FREM2: variants seen among roughly 807,000 people sequenced by gnomAD.
FREM2 encodes the protein FRAS1 related extracellular matrix 2, also known as FRAS1-related extracellular matrix protein 2.
A neutral mutation model predicts 219.9 loss-of-function variants in FREM2; 119 were observed. The observed-to-expected ratio is 0.54, with a 90% CI of 0.47 to 0.63. FREM2 has a LOEUF of 0.63. Among genes scored for constraint, FREM2 ranks in the 30% least tolerant of loss-of-function variants. The pLI, the probability that FREM2 is intolerant of heterozygous loss-of-function variation, is 0.00. For synonymous variants in FREM2, 1,562 were observed against 1,522.8 expected (o/e 1.03, Z -0.60); for missense variants, 4,030 against 3,993.6 (o/e 1.01, Z -0.25).
At chr13:38,820,714 C>G (rs578038476) in intron 6 of FREM2, among the ~76,000 whole-genome samples, 2 of 151,998 alleles carry the variant, frequency 1.3e-5, no homozygotes, top group Non-Finnish European at 2.9e-5. Flanking sequence ...AATCATAAAA[C>G]ATACAGAAAA....
chr13:38,816,736 C>G (rs550666249), intron 6 of FREM2, among the ~76,000 whole-genome samples: 201 of 152,120 alleles, frequency 1.3e-3, no homozygotes, highest in Non-Finnish European at 2.6e-3. Flanking sequence ...AGCAATTAGG[C>G]AAGAGAAAGA....
intron 11 of FREM2, among the ~76,000 whole-genome samples, chr13:38,853,126 A>T (rs1877433240): frequency 6.6e-6 from 1 of 151,794 alleles, no homozygotes; most frequent in Admixed American, 6.6e-5. Flanking sequence ...TCAGGAGTTC[A>T]AGACCAGCCT....
intron 16 of FREM2, among the ~76,000 whole-genome samples, 195 bp downstream of exon 16, chr13:38,864,801 C>T (rs1301976381): frequency 2.0e-5 from 3 of 150,016 alleles, no homozygotes; most frequent in African/African-American, 5.0e-5. Flanking sequence ...CCAGAATATA[C>T]GTAGTTTTTG....
In FREM2 at chr13:38,692,444, G is replaced by A; in HGVS notation, c.5100G>A (p.Val1700=). Residue 1700 remains valine (V), a synonymous_variant, in exon 1 of 24, where the codon GTG becomes GTA. Coordinates refer to ENST00000280481, the MANE Select transcript of FREM2 (RefSeq NM_207361.6). ...TACACATTTCTCTTAGATTTATCGTGACAGAGGCCCCTCAACATGGATATC... is the reference window on the plus strand; with the variant it reads ...TACACATTTCTCTTAGATTTATCGTAACAGAGGCCCCTCAACATGGATATC... ...DSLHISLRFI[V]TEAPQHGYLL... The A allele has an allele frequency of 6.2e-7, 1 of 1,613,904 alleles. No individual in the cohort carries two copies. Among genetic ancestry groups the A allele is most frequent in the East Asian group, 2.2e-5 (1 of 44,874 alleles).
In FREM2 at chr13:38,876,166, C is replaced by A; in HGVS notation, c.8409+17C>A. On this transcript the variant is annotated intron_variant, in intron 19 of 23. Coordinates refer to ENST00000280481, the MANE Select transcript of FREM2 (RefSeq NM_207361.6). ...GACTTTGCCGTAAGTGACTAAGACT[C>A]TTAATTAATTTTCTTCTGCTGCTGC... The A allele has an allele frequency of 6.2e-7, 1 of 1,614,070 alleles. No homozygotes were observed.
chr13:38,690,783 A>G lies in FREM2; in HGVS notation c.3439A>G (p.Asn1147Asp), dbSNP rs1370407205. The G allele has an allele frequency of 6.2e-7, 1 of 1,614,148 alleles. No homozygotes were observed. Among genetic ancestry groups the G allele is most frequent in the Non-Finnish European group, 8.5e-7 (1 of 1,180,024 alleles). Residue 1147 changes from asparagine to aspartate, a missense_variant, in exon 1 of 24, where the codon AAC becomes GAC. By Grantham distance (23) the Asn-to-Asp change is conservative. Transcript: ENST00000280481. ...GAAAGATCTCAGGCAGGGCCACATA[A>G]ACTATGTCCAGAGTGTCCATAAAGG... ...NLKDLRQGHINYVQSVHKGVE... is the reference protein window; with the variant it reads ...NLKDLRQGHIDYVQSVHKGVE...
intron 6 of FREM2, among the ~76,000 whole-genome samples, chr13:38,835,088 C>T (rs1456313435): frequency 6.6e-6 from 1 of 152,166 alleles, no homozygotes; most frequent in Non-Finnish European, 1.5e-5. Context: ...TTAGGTCTTA[C>T]ATTTAAATCT....
intron 6 of FREM2, among the ~76,000 whole-genome samples, chr13:38,816,896 A>G (rs1480757066): frequency 6.6e-6 from 1 of 152,168 alleles, no homozygotes; most frequent in African/African-American, 2.4e-5. Context: ...GTAAACATAC[A>G]AAAATCAGTA....
At chr13:38,724,546 A>G (rs1166429187) in intron 2 of FREM2, among the ~76,000 whole-genome samples, 1 of 152,250 alleles carries the variant, frequency 6.6e-6, no homozygotes, top group East Asian at 1.9e-4. Context: ...TATCTTGGTA[A>G]TAGTAGCATT....
chr13:38,878,375 C>G (rs9548520), intron 22 of FREM2, 54 bp downstream of exon 22: 7 of 1,309,356 alleles, frequency 5.3e-6, no homozygotes, highest in Non-Finnish European at 7.4e-6. Context: ...AGTTCAGCCT[C>G]CTTGTCTTAT....
rs991430899 is a variant in FREM2 at position 38,844,863 on chromosome 13, A to G, written c.6020-1710A>G. Among the ~76,000 whole-genome samples, 72 of 152,208 alleles carry G rather than the reference A, an allele frequency of 4.7e-4. 3 individuals are homozygous for G. On this transcript the variant is annotated intron_variant, in intron 6 of 23. Coordinates refer to ENST00000280481, the MANE Select transcript of FREM2 (RefSeq NM_207361.6). ...TGCCTGGTTTGGCCATCTGGTCAGA[A>G]GATACATTTTCAGAGCTCTCTGTCT... is the stretch of plus-strand genomic sequence containing the variant.
Position 38,880,871 on chromosome 13 carries a change from G to T in FREM2, c.*84G>T. 6.8e-7 allele frequency: 1 copy of T among 1,467,024 alleles called. No individual in the cohort carries two copies. Among genetic ancestry groups the T allele is most frequent in the Middle Eastern group, 1.7e-4 (1 of 5,836 alleles). 90.9% of individuals were successfully genotyped at this position (1,467,024 alleles called of 1,614,324 possible). The stretch of plus-strand genomic sequence containing the variant: ...CCTTAAATACTTCTGGTAAACCATA[G>T]AGAATGGAGGATGGCTGTGATGAAG... On this transcript the variant is annotated 3_prime_UTR_variant, in exon 24 of 24. Coordinates refer to ENST00000280481, the MANE Select transcript of FREM2 (RefSeq NM_207361.6).
At chr13:38,709,665 C>T (rs983358587) in intron 2 of FREM2, among the ~76,000 whole-genome samples, 13 of 151,976 alleles carry the variant, frequency 8.6e-5, no homozygotes, top group Non-Finnish European at 7.4e-5. Flanking sequence ...TCAAATCACA[C>T]GGATAATTTA....
At chr13:38,809,739 T>C (rs1875401568) in intron 6 of FREM2, among the ~76,000 whole-genome samples, 1 of 152,108 alleles carries the variant, frequency 6.6e-6, no homozygotes, top group African/African-American at 2.4e-5. Flanking sequence ...AGTCGTTCTG[T>C]AGTATAATTT....
intron 6 of FREM2, among the ~76,000 whole-genome samples, chr13:38,801,197 TA>T (rs1356640585): frequency 1.3e-5 from 2 of 152,234 alleles, no homozygotes; most frequent in Non-Finnish European, 2.9e-5. Flanking sequence ...TTTGGTTGTT[TA>T]AAAAATTATT....
chr13:38,843,113 C>T (rs1877021409), intron 6 of FREM2, among the ~76,000 whole-genome samples: 1 of 152,136 alleles, frequency 6.6e-6, no homozygotes, highest in Admixed American at 6.5e-5. Context: ...CTTATCTTTC[C>T]TCTGCATTCT....
intron 6 of FREM2, among the ~76,000 whole-genome samples, chr13:38,819,962 A>G (rs1875975859): frequency 1.3e-5 from 2 of 152,176 alleles, no homozygotes; most frequent in Admixed American, 6.6e-5. Flanking sequence ...ATTATTAGTT[A>G]TCCTAATAGG....
intron 6 of FREM2, among the ~76,000 whole-genome samples, chr13:38,821,519 T>C (rs1876054504): frequency 1.3e-5 from 2 of 152,160 alleles, no homozygotes; most frequent in Non-Finnish European, 2.9e-5. Context: ...AAGCTTTTCC[T>C]TCATACTACT....
At position 38,846,727 on chromosome 13, in the gene FREM2, G is replaced by A; in HGVS notation, c.6169+5G>A. On this transcript the variant is annotated splice_donor_5th_base_variant and intron_variant, in intron 7 of 23. Coordinates refer to ENST00000280481, the MANE Select transcript of FREM2 (RefSeq NM_207361.6). ...CAGATCCTCCCTCTGCAGATGGTGAGCAGTTTCCCACTCGGCTCTTTTGAT... is the reference window on the plus strand; with the variant it reads ...CAGATCCTCCCTCTGCAGATGGTGAACAGTTTCCCACTCGGCTCTTTTGAT... 1 of 1,613,582 alleles carries A rather than the reference G, an allele frequency of 6.2e-7. No individual in the cohort carries two copies. The highest frequency in any genetic ancestry group is 8.5e-7 in the Non-Finnish European group (1 of 1,179,618).
Sources: allele counts gnomAD v4.1 joint callset (sites outside exome capture counted in the v4.1 genomes callset), GRCh38; gene constraint gnomAD v4.1.1; transcripts MANE v1.5; gene names NCBI Gene and HGNC (gene_info 2026-07-23, HGNC 2026-07-21).